Variants in VPS13B observed in about 807,000 individuals in gnomAD.
VPS13B encodes vacuolar protein sorting 13 homolog B.
Under a neutral mutation model 426.4 loss-of-function variants are expected in VPS13B, and 285 were observed. The ratio of observed to expected loss-of-function variants is 0.67; its 90% CI spans 0.61 to 0.74. VPS13B has a LOEUF of 0.74. Among genes scored for constraint, VPS13B ranks in the 30% least tolerant of loss-of-function variants. The pLI, the probability that VPS13B is intolerant of heterozygous loss-of-function variation, is 0.00. For missense variants in VPS13B, 4,537 were observed against 4,782.6 expected (o/e 0.95, Z 1.51); for synonymous variants, 1,676 against 1,676.4 (o/e 1.00, Z 0.01).
intron 17 of VPS13B, among the ~76,000 whole-genome samples, chr8:99,200,653 T>TA (rs1814259548): frequency 6.6e-6 from 1 of 152,120 alleles, no homozygotes; most frequent in African/African-American, 2.4e-5. Context: ...TGGCTAATGA[T>TA]ATTGAGTATC....
intron 23 of VPS13B, among the ~76,000 whole-genome samples, chr8:99,444,192 A>G (rs896897866): frequency 1.3e-5 from 2 of 151,408 alleles, no homozygotes; most frequent in Non-Finnish European, 2.9e-5. Flanking sequence ...TCCGCCTCCC[A>G]GGTTCAAACA....
intron 23 of VPS13B, among the ~76,000 whole-genome samples, chr8:99,450,901 A>T (rs371778490): frequency 3.2e-4 from 48 of 152,312 alleles, no homozygotes; most frequent in African/African-American, 1.0e-3. Flanking sequence ...ACACATTCGT[A>T]TGTAACTAAG....
At chr8:99,361,774 T>C (rs911518938) in intron 19 of VPS13B, among the ~76,000 whole-genome samples, 9 of 152,182 alleles carry the variant, frequency 5.9e-5, no homozygotes, top group Non-Finnish European at 1.3e-4. Flanking sequence ...GGCAGAACTA[T>C]TTTTAGGTCT....
Position 99,115,792 on chromosome 8 carries a change from C to T in VPS13B, c.855C>T (p.Tyr285=), listed in dbSNP as rs1256482530. Residue 285 remains tyrosine (Y), a synonymous_variant, in exon 7 of 62, where the codon TAC becomes TAT. Coordinates refer to ENST00000357162, the MANE Select transcript of VPS13B (RefSeq NM_152564.5). ...TAATGCAACTTGGAATTGCTCTTTA[C>T]TATGGAGAAATAGGCAATTTTAAAG... ...IRIMQLGIAL[Y]YGEIGNFKEG... The T allele has an allele frequency of 1.9e-6, 3 of 1,613,630 alleles. No individual in the cohort carries two copies. Among genetic ancestry groups the T allele is most frequent in the Non-Finnish European group, 2.5e-6 (3 of 1,179,798 alleles).
chr8:99,156,383 A>G (rs1378947645), intron 14 of VPS13B, among the ~76,000 whole-genome samples, 166 bp from the exon 15 acceptor site: 4 of 152,230 alleles, frequency 2.6e-5, no homozygotes, highest in Admixed American at 2.0e-4. Flanking sequence ...ATACATGGAA[A>G]GACATTTGTT....
At chr8:99,195,030 A>G (rs1362435743) in intron 17 of VPS13B, among the ~76,000 whole-genome samples, 1 of 152,014 alleles carries the variant, frequency 6.6e-6, no homozygotes, top group Non-Finnish European at 1.5e-5. Flanking sequence ...TATTTTTAGT[A>G]GAGACGGAGT....
chr8:99,634,188 T>C (rs1828978678), intron 33 of VPS13B, among the ~76,000 whole-genome samples: 1 of 152,008 alleles, frequency 6.6e-6, no homozygotes. Context: ...TGAACTTACC[T>C]ATGTGCCCAT....
At chr8:99,444,255 C>A (rs1254038769) in intron 23 of VPS13B, among the ~76,000 whole-genome samples, 2 of 152,004 alleles carry the variant, frequency 1.3e-5, no homozygotes, top group Non-Finnish European at 2.9e-5. Context: ...CTTGCCACCA[C>A]ACCCAGGTAA....
intron 17 of VPS13B, among the ~76,000 whole-genome samples, chr8:99,255,294 C>T (rs1420559037): frequency 6.6e-6 from 1 of 152,104 alleles, no homozygotes; most frequent in African/African-American, 2.4e-5. Context: ...TCATTTGCTT[C>T]AAGCAAAATG....
intron 39 of VPS13B, among the ~76,000 whole-genome samples, chr8:99,737,106 CTTTTTTTTTTTT>C (rs386413466): frequency 4.0e-3 from 179 of 44,378 alleles, no homozygotes; most frequent in Non-Finnish European, 5.5e-3. Context: ...AGATGTCCTT[CTTTTTTTTTTTT>C]TTTTTTTTTT....
chr8:99,074,947 T>A (rs544190901), intron 3 of VPS13B, among the ~76,000 whole-genome samples: 1 of 152,284 alleles, frequency 6.6e-6, no homozygotes, highest in East Asian at 1.9e-4. Context: ...TGCAGTTTTT[T>A]AATTGTTGTT....
rs918401657 is a variant in VPS13B at position 99,788,635 on chromosome 8, C to T, written c.7941+4159C>T. Among the ~76,000 whole-genome samples, 10 of 152,216 alleles carry T rather than the reference C, an allele frequency of 6.6e-5. No homozygotes were observed. In the East Asian group the frequency reaches 1.2e-3, roughly 18 times the overall value. On this transcript the variant is annotated intron_variant, in intron 43 of 61. Transcript: ENST00000357162. ...AAATCAGCCATAGGTGATATGTAAA[C>T]GAATGAGTGTGGCTGTGTGCCAATG...
chr8:99,131,799 A>C (rs1004254837), intron 8 of VPS13B, among the ~76,000 whole-genome samples: 3 of 152,184 alleles, frequency 2.0e-5, no homozygotes, highest in Non-Finnish European at 4.4e-5. Context: ...CAATTTCTCA[A>C]AATAAGACAG....
At chr8:99,693,658 C>G (rs1329981620) in intron 35 of VPS13B, among the ~76,000 whole-genome samples, 4 of 108,874 alleles carry the variant, frequency 3.7e-5, no homozygotes, top group Non-Finnish European at 7.4e-5. Flanking sequence ...CCCTCTCTCA[C>G]CGCTCCTATT....
intron 19 of VPS13B, among the ~76,000 whole-genome samples, chr8:99,283,868 A>G (rs190657718): frequency 1.3e-5 from 2 of 152,344 alleles, no homozygotes; most frequent in Admixed American, 6.5e-5. Context: ...GATTATGATA[A>G]TTGTAAGGAC....
chr8:99,777,575 C>T (rs1037469929), intron 41 of VPS13B, among the ~76,000 whole-genome samples: 3 of 152,152 alleles, frequency 2.0e-5, no homozygotes, highest in African/African-American at 4.8e-5. Context: ...CACAACCAAA[C>T]CATATCAGAT....
chr8:99,535,073 A>G (rs533807083), intron 30 of VPS13B, among the ~76,000 whole-genome samples: 1 of 152,216 alleles, frequency 6.6e-6, no homozygotes, highest in South Asian at 2.1e-4. Context: ...TATCCCCTAA[A>G]CCAAAATAGA....
At chr8:99,395,296 G>A (rs1287675728) in intron 21 of VPS13B, among the ~76,000 whole-genome samples, 2 of 152,222 alleles carry the variant, frequency 1.3e-5, no homozygotes, top group Non-Finnish European at 2.9e-5. Context: ...CAACAATAGA[G>A]TTCTTGAGAG....
At chr8:99,604,553 G>T (rs547956373) in intron 33 of VPS13B, among the ~76,000 whole-genome samples, 18 of 142,474 alleles carry the variant, frequency 1.3e-4, no homozygotes, top group Admixed American at 5.2e-4. Flanking sequence ...AGGCTGGAGT[G>T]CAGTGGCATG....
Sources: allele counts gnomAD v4.1 joint callset (sites outside exome capture counted in the v4.1 genomes callset), GRCh38; gene constraint gnomAD v4.1.1; transcripts MANE v1.5; gene names NCBI Gene and HGNC (gene_info 2026-07-23, HGNC 2026-07-21).